The following CCNY variants were observed in gnomAD, a reference collection of about 807,000 sequenced individuals.
CCNY encodes the protein cyclin-Y.
A neutral mutation model predicts 42.8 loss-of-function variants in CCNY; 19 were observed. The observed-to-expected ratio is 0.44, with a 90% CI of 0.31 to 0.65. CCNY has a LOEUF of 0.65. Ranked by LOEUF, CCNY falls within the 30% of genes least tolerant of loss-of-function variation. The probability of loss-of-function intolerance (pLI) is 0.07; values close to 1 mark genes in which losing one functional copy is unlikely to be tolerated. For missense variants in CCNY, 370 were observed against 437.3 expected, an observed-to-expected ratio of 0.85 and a Z score of 1.37; for synonymous variants, 165 against 162.7, an observed-to-expected ratio of 1.01 and a Z score of -0.11.
At chr10:35,566,376 G>C (rs192539885) in intron 9 of CCNY, 191 bp downstream of exon 9, 1 of 627,112 alleles carries the variant, frequency 1.6e-6, no homozygotes, top group Admixed American at 3.5e-5. Context: ...ACGGAGTCTC[G>C]CTCTGTCACC....
chr10:35,262,005 G>A (rs1201526666), intron 3 of CCNY, among the ~76,000 whole-genome samples: 2 of 151,594 alleles, frequency 1.3e-5, no homozygotes, highest in Non-Finnish European at 2.9e-5. Context: ...TGGTCAAAAA[G>A]AGTGAAACTT....
At chr10:35,544,630 G>A (rs998704235) in intron 7 of CCNY, among the ~76,000 whole-genome samples, 2 of 152,190 alleles carry the variant, frequency 1.3e-5, no homozygotes, top group African/African-American at 4.8e-5. Flanking sequence ...TTGAGTGTTG[G>A]TTACGCAGAC....
chr10:35,516,727 C>A, intron 4 of CCNY, 104 bp downstream of exon 4: 2 of 690,838 alleles, frequency 2.9e-6, no homozygotes, highest in Non-Finnish European at 4.5e-6. Context: ...AACCTGACAG[C>A]TAAGCTGGTT....
At chr10:35,331,411 C>T (rs1835942230) in intron 3 of CCNY, among the ~76,000 whole-genome samples, 1 of 152,230 alleles carries the variant, frequency 6.6e-6, no homozygotes, top group Non-Finnish European at 1.5e-5. Flanking sequence ...GCCATTTAGT[C>T]TGGGGACAAA....
At chr10:35,516,996 C>G (rs1840443973) in intron 4 of CCNY, among the ~76,000 whole-genome samples, 1 of 152,130 alleles carries the variant, frequency 6.6e-6, no homozygotes, top group Non-Finnish European at 1.5e-5. Context: ...ACTCCACTAA[C>G]TTTTTACCTT....
intron 3 of CCNY, among the ~76,000 whole-genome samples, chr10:35,322,412 T>A (rs1301212027): frequency 6.7e-6 from 1 of 150,254 alleles, no homozygotes; most frequent in Non-Finnish European, 1.5e-5. Flanking sequence ...AACATTTACA[T>A]GATCTGAAGG....
chr10:35,558,037 C>A (rs1841394926), intron 8 of CCNY, among the ~76,000 whole-genome samples: 1 of 152,152 alleles, frequency 6.6e-6, no homozygotes, highest in Non-Finnish European at 1.5e-5. Context: ...GAATTATATG[C>A]TAAAATTACA....
At chr10:35,250,624 G>C (rs2095711376) in exon 3 of CCNY, 1 of 152,362 alleles carries the variant, frequency 6.6e-6, no homozygotes, top group Non-Finnish European at 1.5e-5. Context: ...TGCATCTGAA[G>C]AGGTAAGCCC....
intron 1 of CCNY, among the ~76,000 whole-genome samples, chr10:35,388,384 ATGGCC>A (rs1445860016): frequency 6.6e-6 from 1 of 152,194 alleles, no homozygotes; most frequent in Non-Finnish European, 1.5e-5. Context: ...TGAATAGTTA[ATGGCC>A]TTGTATTGGC....
At chr10:35,397,535 G>A (rs1020398547) in intron 1 of CCNY, among the ~76,000 whole-genome samples, 21 of 152,172 alleles carry the variant, frequency 1.4e-4, no homozygotes, top group African/African-American at 5.1e-4. Flanking sequence ...GATTGGGGAG[G>A]AGGAATTCTA....
At chr10:35,435,822 A>G (rs1341471674) in intron 1 of CCNY, among the ~76,000 whole-genome samples, 1 of 152,152 alleles carries the variant, frequency 6.6e-6, no homozygotes, top group African/African-American at 2.4e-5. Flanking sequence ...AATGCTAGGT[A>G]TTGGTGAGAA....
rs574221727 is a variant in CCNY, at chr10:35,336,918, G to GC, written c.-136_-135insC. The stretch of plus-strand genomic sequence containing the variant: ...GCTGCTGACCCGGCGGCCGGCCGCC[G>GC]TTCCGCCCCCTCCCGTGGCGGCGAG... On this transcript the variant is annotated 5_prime_UTR_variant, in exon 1 of 10. Transcript: ENST00000374704. The GC allele has an allele frequency of 1, 477,801 of 477,878 alleles. 238,864 individuals are homozygous for GC. Among genetic ancestry groups the GC allele is most frequent in the Middle Eastern group, 1 (996 of 996 alleles). 29.6% of individuals were successfully genotyped at this position (477,878 alleles called of 1,614,324 possible). A position where few individuals can be genotyped will look rare whatever the true frequency, so the allele number is the denominator to read the frequency against.
chr10:35,424,109 G>A (rs1266656089), intron 1 of CCNY, among the ~76,000 whole-genome samples: 2 of 152,336 alleles, frequency 1.3e-5, no homozygotes, highest in East Asian at 3.9e-4. Context: ...CTGTCAAGAG[G>A]GAGAAGTTAG....
chr10:35,411,598 C>A (rs143518806), intron 1 of CCNY, among the ~76,000 whole-genome samples: 1 of 149,848 alleles, frequency 6.7e-6, no homozygotes, highest in Non-Finnish European at 1.5e-5. Context: ...CAATACAATA[C>A]CTTCTGGGAT....
At position 35,266,274 on chromosome 10, in the gene CCNY, A is replaced by G. The variant is rs377738352; in HGVS notation, c.-9+15648A>G. Among the ~76,000 whole-genome samples, 216 of 59,012 alleles carry G rather than the reference A, an allele frequency of 3.7e-3. 1 individual carries two copies. Among genetic ancestry groups the G allele is most frequent in the African/African-American group, 0.014 (210 of 15,536 alleles). 38.7% of individuals were successfully genotyped at this position (59,012 alleles called of 152,430 possible). On this transcript the variant is annotated intron_variant, in intron 3 of 11. Transcript: ENST00000374706. ...CTTTTTTTTTTTTTTTTTTTTTTGTATTTTTAGTAGAGATGGGGTTTCACT... is the reference window on the plus strand; with the variant it reads ...CTTTTTTTTTTTTTTTTTTTTTTGTGTTTTTAGTAGAGATGGGGTTTCACT...
At chr10:35,262,653 TG>T (rs2095720925) in intron 3 of CCNY, among the ~76,000 whole-genome samples, 1 of 152,160 alleles carries the variant, frequency 6.6e-6, no homozygotes, top group Non-Finnish European at 1.5e-5. Flanking sequence ...TGAGTCGCCA[TG>T]ACTGGCCAGC....
intron 3 of CCNY, among the ~76,000 whole-genome samples, chr10:35,263,218 G>A (rs776583147): frequency 4.6e-5 from 7 of 151,882 alleles, no homozygotes; most frequent in South Asian, 2.1e-4. Flanking sequence ...TTAGCCAGGC[G>A]TGGTGGCGGG....
At chr10:35,458,172 T>G (rs1161233924) in intron 1 of CCNY, among the ~76,000 whole-genome samples, 1 of 152,256 alleles carries the variant, frequency 6.6e-6, no homozygotes, top group East Asian at 1.9e-4. Flanking sequence ...GTAGAGGAAC[T>G]GGGCTTTGGG....
intron 1 of CCNY, among the ~76,000 whole-genome samples, chr10:35,412,860 C>CAAAAAAAAAA (rs10558250): frequency 9.5e-4 from 33 of 34,764 alleles, no homozygotes; most frequent in African/African-American, 2.8e-3. Context: ...GACTCTGTCT[C>CAAAAAAAAAA]AAAAAAAAAA....
Sources: allele counts gnomAD v4.1 joint callset (sites outside exome capture counted in the v4.1 genomes callset), GRCh38; gene constraint gnomAD v4.1.1; transcripts MANE v1.5; gene names NCBI Gene and HGNC (gene_info 2026-07-23, HGNC 2026-07-21).